The following CR1L variants were observed in gnomAD, a reference collection of about 807,000 sequenced individuals.
CR1L encodes the protein complement C3b/C4b receptor 1 like.
Under a neutral mutation model 62.3 loss-of-function variants are expected in CR1L, and 59 were observed. That is an observed-to-expected ratio of 0.95 (90% CI 0.77 to 1.18). The LOEUF is 1.18. CR1L is among the 50% of genes most tolerant of loss of function. CR1L has a pLI of 0.00. For missense variants in CR1L, 700 were observed against 702.8 expected, an observed-to-expected ratio of 1.00 and a Z score of 0.04; for synonymous variants, 279 against 248.7, an observed-to-expected ratio of 1.12 and a Z score of -1.15.
rs1042597281 is a variant in CR1L at position 207,697,437 on chromosome 1, C to T, written c.863-66C>T. ...AGATTTGTAATTATTATTCCCTTGG[C>T]CAGTTTAACAGTGAGAGAAAAGTTA... On this transcript the variant is annotated intron_variant, in intron 5 of 11. Coordinates refer to ENST00000508064, the MANE Select transcript of CR1L (RefSeq NM_175710.2). 1.9e-6 allele frequency: 3 copies of T among 1,611,956 alleles called. No individual in the cohort carries two copies. The African/African-American group carries it at 4.0e-5, about 22-fold the overall frequency.
intron 3 of CR1L, among the ~76,000 whole-genome samples, chr1:207,683,141 C>T (rs1663832355): frequency 6.7e-6 from 1 of 150,018 alleles, no homozygotes; most frequent in South Asian, 2.1e-4. Context: ...TCTACCCCGC[C>T]CCTTTCTTTC....
chr1:207,659,534 G>T (rs1203840542), intron 1 of CR1L, among the ~76,000 whole-genome samples: 2 of 152,182 alleles, frequency 1.3e-5, no homozygotes, highest in African/African-American at 4.8e-5. Flanking sequence ...ATTTTAGGTT[G>T]CTTCAAGATA....
chr1:207,698,403 G>GCTCTGGT (rs1412943560), intron 7 of CR1L, among the ~76,000 whole-genome samples: 1 of 152,168 alleles, frequency 6.6e-6, no homozygotes, highest in East Asian at 1.9e-4. Context: ...TGGGCTCTGG[G>GCTCTGGT]CTCTGAGCTG....
intron 1 of CR1L, among the ~76,000 whole-genome samples, chr1:207,645,564 A>G (rs866531945): frequency 4.6e-5 from 7 of 152,182 alleles, no homozygotes; most frequent in African/African-American, 1.4e-4. Flanking sequence ...ACATTTACGC[A>G]GGATCTGGCT....
At chr1:207,680,765 A>C (rs1663783037) in intron 3 of CR1L, among the ~76,000 whole-genome samples, 1 of 152,322 alleles carries the variant, frequency 6.6e-6, no homozygotes, top group East Asian at 1.9e-4. Flanking sequence ...GTTAAAACCA[A>C]ATGGCGCCAG....
chr1:207,680,542 A>T (rs1570560), intron 3 of CR1L, among the ~76,000 whole-genome samples: 30,019 of 117,826 alleles, frequency 0.25, 3,223 homozygotes, highest in Non-Finnish European at 0.32. Context: ...CAAAATAAAA[A>T]AATTTTTTTT....
At chr1:207,688,208 C>T (rs1663940546) in intron 4 of CR1L, among the ~76,000 whole-genome samples, 2 of 152,144 alleles carry the variant, frequency 1.3e-5, no homozygotes, top group African/African-American at 4.8e-5. Context: ...CACAGGGGTT[C>T]AAGGCTTCAG....
rs765507744 is a variant in CR1L, at chr1:207,697,601, G to A, written c.961G>A (p.Gly321Ser). 41 of 1,613,770 alleles carry A rather than the reference G, an allele frequency of 2.5e-5. No individual in the cohort carries two copies. Among genetic ancestry groups the A allele is most frequent in the Admixed American group, 1.7e-4 (10 of 60,000 alleles). Residue 321 changes from glycine to serine, a missense_variant, in exon 6 of 12, where the codon GGC (glycine) becomes AGC (serine). Coordinates refer to ENST00000508064, the MANE Select transcript of CR1L (RefSeq NM_175710.2). The part of the protein sequence containing the change: ...GQEVFYSCEP[G>S]YDLRGSTYLH... ...GGAAGTGTTCTACAGCTGTGAGCCC[G>A]GCTACGACCTCAGAGGATCTACGTA...
chr1:207,679,193 C>T (rs1444249681), intron 3 of CR1L, among the ~76,000 whole-genome samples: 1 of 120,210 alleles, frequency 8.3e-6, no homozygotes, highest in African/African-American at 3.2e-5. Flanking sequence ...TTAGTAGAGA[C>T]AGGATTTCAC....
At chr1:207,673,659 A>G (rs1339695977) in intron 1 of CR1L, among the ~76,000 whole-genome samples, 1 of 152,248 alleles carries the variant, frequency 6.6e-6, no homozygotes, top group Non-Finnish European at 1.5e-5. Flanking sequence ...GAAAAGATTG[A>G]CCAAACCAAG....
At chr1:207,651,001 G>A (rs906466954) in intron 1 of CR1L, among the ~76,000 whole-genome samples, 2 of 152,032 alleles carry the variant, frequency 1.3e-5, no homozygotes, top group African/African-American at 2.4e-5. Flanking sequence ...TAGCCAGGAT[G>A]GTCTCTATCT....
intron 9 of CR1L, among the ~76,000 whole-genome samples, chr1:207,706,317 A>C (rs1664267301): frequency 6.6e-6 from 1 of 151,924 alleles, no homozygotes; most frequent in Non-Finnish European, 1.5e-5. Flanking sequence ...GCTACACAGG[A>C]GACTGAGGTG....
Position 207,678,246 on chromosome 1 carries a change from T to G in CR1L, c.326T>G (p.Val109Gly). 6.2e-7 allele frequency: 1 copy of G among 1,613,790 alleles called. No individual in the cohort carries two copies. Among genetic ancestry groups the G allele is most frequent in the Non-Finnish European group, 8.5e-7 (1 of 1,179,670 alleles). The change falls in exon 3 of 12, where the codon GTG becomes GGG. Residue 109 changes from valine (V) to glycine (G), a missense_variant. Transcript: ENST00000508064. Reference sequence around the variant, plus strand: ...GATCCTGTGAATGGCATGGCACATGTGATCAAAGACATCCAGTTCAGATCC... The same window carrying G: ...GATCCTGTGAATGGCATGGCACATGGGATCAAAGACATCCAGTTCAGATCC... ...PPDPVNGMAHVIKDIQFRSQI... is the reference protein window; with the variant it reads ...PPDPVNGMAHGIKDIQFRSQI...
intron 8 of CR1L, among the ~76,000 whole-genome samples, 176 bp from the exon 9 acceptor site, chr1:207,701,338 AGTGGG>A (rs1664187817): frequency 6.6e-6 from 1 of 152,122 alleles, no homozygotes; most frequent in Non-Finnish European, 1.5e-5. Flanking sequence ...TCTTTTTGAA[AGTGGG>A]GCTTAGTAGG....
chr1:207,662,122 G>A (rs993691783), intron 1 of CR1L, among the ~76,000 whole-genome samples: 5 of 152,060 alleles, frequency 3.3e-5, no homozygotes, highest in African/African-American at 1.2e-4. Context: ...ACAATTATGT[G>A]TCTTGGAGTT....
chr1:207,655,584 G>T (rs1310914370), intron 1 of CR1L, among the ~76,000 whole-genome samples: 1 of 152,086 alleles, frequency 6.6e-6, no homozygotes, highest in Admixed American at 6.5e-5. Context: ...GAGACTACAG[G>T]CATGTGCCAC....
At position 207,697,804 on chromosome 1, in the gene CR1L, C is replaced by T; in HGVS notation, c.1073C>T (p.Pro358Leu). 6.2e-7 allele frequency: 1 copy of T among 1,613,984 alleles called. No homozygotes were observed. Among genetic ancestry groups the T allele is most frequent in the Non-Finnish European group, 8.5e-7 (1 of 1,179,882 alleles). The part of the protein sequence containing the change: ...KSCDDFLGQL[P>L]NGHVLFPLNL... ...TGTGATGACTTCCTGGGCCAACTTCCTAATGGCCATGTGCTATTTCCACTT... is the reference window on the plus strand; with the variant it reads ...TGTGATGACTTCCTGGGCCAACTTCTTAATGGCCATGTGCTATTTCCACTT... Residue 358 changes from proline (P) to leucine (L), a missense_variant, in exon 7 of 12, where the codon CCT becomes CTT. By Grantham distance (98) the Pro-to-Leu change is moderately conservative. Coordinates refer to ENST00000508064, the MANE Select transcript of CR1L (RefSeq NM_175710.2).
At chr1:207,648,294 T>C (rs948564721) in intron 1 of CR1L, among the ~76,000 whole-genome samples, 8 of 149,144 alleles carry the variant, frequency 5.4e-5, no homozygotes, top group African/African-American at 1.5e-4. Context: ...CATAGAATTA[T>C]AAAATGAATA....
At chr1:207,653,046 G>A in intron 1 of CR1L, 1 of 205,194 alleles carries the variant, frequency 4.9e-6, no homozygotes, top group South Asian at 8.7e-5. Flanking sequence ...TTAGAAACTG[G>A]ATTGAAAAAA....
Sources: allele counts gnomAD v4.1 joint callset (sites outside exome capture counted in the v4.1 genomes callset), GRCh38; gene constraint gnomAD v4.1.1; transcripts MANE v1.5; gene names NCBI Gene and HGNC (gene_info 2026-07-23, HGNC 2026-07-21).